The following GRM8 variants were observed in gnomAD, a reference collection of about 807,000 sequenced individuals.
GRM8 encodes the protein glutamate metabotropic receptor 8.
Under a neutral mutation model 87.2 loss-of-function variants are expected in GRM8, and 47 were observed. That is an observed-to-expected ratio of 0.54 (90% confidence interval 0.43 to 0.69). The LOEUF is 0.69. Ranked by LOEUF, GRM8 falls within the 30% of genes least tolerant of loss-of-function variation. The probability of loss-of-function intolerance (pLI) is 0.00; values close to 1 mark genes in which losing one functional copy is unlikely to be tolerated. For synonymous variants in GRM8, 396 were observed against 404.5 expected, an observed-to-expected ratio of 0.98 and a Z score of 0.25; for missense variants, 1,019 against 1,139.2, an observed-to-expected ratio of 0.89 and a Z score of 1.52.
At chr7:127,060,497 T>G (rs979068927) in intron 3 of GRM8, among the ~76,000 whole-genome samples, 1 of 152,164 alleles carries the variant, frequency 6.6e-6, no homozygotes, top group Non-Finnish European at 1.5e-5. Flanking sequence ...ATGAATAGGA[T>G]AGTAAGAAAC....
intron 7 of GRM8, among the ~76,000 whole-genome samples, chr7:126,691,673 G>C (rs1224262504): frequency 1.3e-5 from 2 of 152,196 alleles, no homozygotes; most frequent in Admixed American, 6.5e-5. Flanking sequence ...GGAGGAATGA[G>C]AGTCTGTTTG....
In GRM8 at chr7:126,806,831, G is replaced by C. The variant is rs571611583; in HGVS notation, c.1157-36766C>G. Among the ~76,000 whole-genome samples the C allele has an allele frequency of 2.6e-5, 4 of 152,304 alleles. No individual in the cohort carries two copies. In the South Asian group the frequency reaches 8.3e-4, roughly 32 times the overall value. The stretch of plus-strand genomic sequence containing the variant: ...GGCTTGCGGAGCCCGCGCCTACCCG[G>C]AACCGCGCCGGTGGCCACCCGTAAG... On this transcript the variant is annotated intron_variant, in intron 6 of 10. Coordinates refer to ENST00000339582, the MANE Select transcript of GRM8 (RefSeq NM_000845.3).
chr7:126,529,417 T>G (rs532959129), intron 9 of GRM8, among the ~76,000 whole-genome samples: 19 of 152,222 alleles, frequency 1.2e-4, no homozygotes, highest in Non-Finnish European at 2.4e-4. Context: ...CTTTTAAAAG[T>G]AAGAAGAGGA....
chr7:126,724,212 T>G, intron 7 of GRM8, among the ~76,000 whole-genome samples: 1 of 152,176 alleles, frequency 6.6e-6, no homozygotes, highest in East Asian at 1.9e-4. Flanking sequence ...CTGTACCTCT[T>G]TTCCTCCTGA....
intron 7 of GRM8, among the ~76,000 whole-genome samples, chr7:126,642,695 C>G (rs906967793): frequency 3.4e-4 from 52 of 151,842 alleles, no homozygotes; most frequent in African/African-American, 1.2e-3. Flanking sequence ...AACATTCAAG[C>G]AAAGGGTTGT....
At chr7:126,585,051 T>A (rs748310694) in intron 8 of GRM8, among the ~76,000 whole-genome samples, 16 of 152,212 alleles carry the variant, frequency 1.1e-4, no homozygotes, top group Non-Finnish European at 1.8e-4. Context: ...CACTGTGAAT[T>A]CTTAAACACT....
chr7:126,531,339 T>C (rs1814787094), intron 9 of GRM8, among the ~76,000 whole-genome samples: 1 of 152,236 alleles, frequency 6.6e-6, no homozygotes, highest in African/African-American at 2.4e-5. Context: ...CATTAACATA[T>C]TTTATAATGT....
intron 10 of GRM8, among the ~76,000 whole-genome samples, chr7:126,444,635 G>A (rs1801812528): frequency 6.6e-6 from 1 of 152,048 alleles, no homozygotes; most frequent in Admixed American, 6.6e-5. Flanking sequence ...GGATAGTTCT[G>A]TGTATGGTAA....
intron 6 of GRM8, among the ~76,000 whole-genome samples, chr7:126,775,045 G>A (rs2151622336): frequency 6.6e-6 from 1 of 152,138 alleles, no homozygotes; most frequent in African/African-American, 2.4e-5. Flanking sequence ...ACATCCAATT[G>A]GTTGCCTTTT....
Position 126,604,955 on chromosome 7 carries a change from T to C in GRM8, c.1494+4407A>G, listed in dbSNP as rs76412155. Reference sequence around the variant, plus strand: ...CTTGTGAAGTCACTATTCTTTGTTATTTATCATTTATATTCAACTTATTTC... The same window carrying C: ...CTTGTGAAGTCACTATTCTTTGTTACTTATCATTTATATTCAACTTATTTC... On this transcript the variant is annotated intron_variant, in intron 8 of 10. Coordinates refer to ENST00000339582, the MANE Select transcript of GRM8 (RefSeq NM_000845.3). 4.5e-3 allele frequency among the ~76,000 whole-genome samples: 690 copies of C among 152,320 alleles called. 24 individuals are homozygous for C. In the East Asian group the frequency reaches 0.085, roughly 19 times the overall value.
chr7:126,474,301 C>T lies in GRM8; in HGVS notation c.2431-27929G>A, dbSNP rs146833482. Reference sequence around the variant, plus strand: ...ATATATATTTGGAGACAGGGTCTCACTCTGTCACCCAGCCTAGAGTGCAGT... The same window carrying T: ...ATATATATTTGGAGACAGGGTCTCATTCTGTCACCCAGCCTAGAGTGCAGT... On this transcript the variant is annotated intron_variant, in intron 9 of 10. Transcript: ENST00000339582. Among the ~76,000 whole-genome samples the T allele has an allele frequency of 3.8e-3, 579 of 152,208 alleles. 3 individuals are homozygous for T. The highest frequency in any genetic ancestry group is 0.013 in the African/African-American group (554 of 41,540).
At position 127,252,673 on chromosome 7, in the gene GRM8, G is replaced by A. The variant is rs1272615289; in HGVS notation, c.-312+124C>T. ...AAAACGGAAAGGGGAATAAAACGGG[G>A]GGATTCTCCTTTTCCAACAAGCAGG... On this transcript the variant is annotated intron_variant, in intron 1 of 10. Coordinates refer to ENST00000339582, the MANE Select transcript of GRM8 (RefSeq NM_000845.3). The surrounding 1 kb of genome is among the most constrained non-coding windows in gnomAD (Gnocchi z 4.9). 1 of 154,080 alleles carries A rather than the reference G, an allele frequency of 6.5e-6. No homozygotes were observed. Among genetic ancestry groups the A allele is most frequent in the South Asian group, 2.0e-4 (1 of 5,098 alleles). 9.5% of individuals were successfully genotyped at this position (154,080 alleles called of 1,614,324 possible).
At chr7:127,209,152 G>A (rs912736695) in intron 2 of GRM8, among the ~76,000 whole-genome samples, 9 of 152,152 alleles carry the variant, frequency 5.9e-5, no homozygotes, top group Non-Finnish European at 1.3e-4. Context: ...ACCTCAACAA[G>A]ATTTAGCACC....
rs751113671 is a variant in GRM8 at position 126,533,885 on chromosome 7, C to T, written c.1497G>A (p.Val499=). Residue 499 remains valine, a splice_region_variant and synonymous_variant, in exon 9 of 11, where the codon GTG becomes GTA. Coordinates refer to ENST00000339582, the MANE Select transcript of GRM8 (RefSeq NM_000845.3). The stretch of plus-strand genomic sequence containing the variant: ...CTCTATGAGCCCACTGCATGTCTTC[C>T]ACCTGTGGGTATAAAAAATTAATGA... ...GHWTNQLHLK[V]EDMQWAHREH... 1 of 1,603,812 alleles carries T rather than the reference C, an allele frequency of 6.2e-7. No individual in the cohort carries two copies. Among genetic ancestry groups the T allele is most frequent in the Non-Finnish European group, 8.5e-7 (1 of 1,174,190 alleles).
chr7:126,784,978 T>C (rs995037506), intron 6 of GRM8, among the ~76,000 whole-genome samples: 3 of 152,182 alleles, frequency 2.0e-5, no homozygotes, highest in Non-Finnish European at 4.4e-5. Context: ...ACTAGTACTG[T>C]AAGCACATAG....
chr7:126,783,390 A>G (rs1820300732), intron 6 of GRM8, among the ~76,000 whole-genome samples: 1 of 152,232 alleles, frequency 6.6e-6, no homozygotes, highest in South Asian at 2.1e-4. Flanking sequence ...ATATTCTGTG[A>G]AGAGCCACTC....
Position 126,638,264 on chromosome 7 carries a change from C to T in GRM8, c.1358-28766G>A, listed in dbSNP as rs190725887. Among the ~76,000 whole-genome samples, 839 of 152,138 alleles carry T rather than the reference C, an allele frequency of 5.5e-3. 41 individuals carry two copies. The highest frequency in any genetic ancestry group is 0.05 in the Admixed American group (769 of 15,262). Reference sequence around the variant, plus strand: ...TCCCTCATTGTGTTTCTAGAAAGAGCCAACTCTATCCACAAAAAGAAGGGG... The same window carrying T: ...TCCCTCATTGTGTTTCTAGAAAGAGTCAACTCTATCCACAAAAAGAAGGGG... On this transcript the variant is annotated intron_variant, in intron 7 of 10. Coordinates refer to ENST00000339582, the MANE Select transcript of GRM8 (RefSeq NM_000845.3).
At chr7:127,158,375 GA>G (rs1792870750) in intron 2 of GRM8, among the ~76,000 whole-genome samples, 1 of 152,124 alleles carries the variant, frequency 6.6e-6, no homozygotes, top group South Asian at 2.1e-4. Flanking sequence ...AGTGGAGACA[GA>G]AAAAAACTCA....
chr7:126,932,119 C>G (rs540921715), intron 3 of GRM8, among the ~76,000 whole-genome samples: 23 of 152,186 alleles, frequency 1.5e-4, no homozygotes, highest in African/African-American at 5.3e-4. Context: ...AAAAGATGGC[C>G]ATAAATGATT....
Sources: gnomAD v4.1 joint callset for allele counts (sites outside exome capture counted in the v4.1 genomes callset) on GRCh38, gnomAD v4.1.1 for gene constraint, Gnocchi (gnomAD v3.1) non-coding constraint, MANE v1.5 for transcripts, NCBI Gene and HGNC (gene_info 2026-07-23, HGNC 2026-07-21) for gene names.